The following PPP6R3 variants were observed in gnomAD, a reference collection of about 807,000 sequenced individuals.
PPP6R3 encodes protein phosphatase 6 regulatory subunit 3.
PPP6R3 carries 38 observed loss-of-function variants against 110.7 expected under a neutral mutation model. That is an observed-to-expected ratio of 0.34 (90% CI 0.26 to 0.45). PPP6R3 has a LOEUF of 0.45. Among genes scored for constraint, PPP6R3 ranks in the 20% least tolerant of loss-of-function variants. PPP6R3 has a pLI of 1.00. For missense variants in PPP6R3, 870 were observed against 1,062.4 expected, an observed-to-expected ratio of 0.82 and a Z score of 2.52; for synonymous variants, 369 against 373.5, an observed-to-expected ratio of 0.99 and a Z score of 0.14.
chr11:68,551,173 C>T lies in PPP6R3; in HGVS notation c.605C>T (p.Ser202Leu), dbSNP rs201750404. 25 of 1,609,434 alleles carry T rather than the reference C, an allele frequency of 1.6e-5. No homozygotes were observed. Among genetic ancestry groups the T allele is most frequent in the South Asian group, 7.7e-5 (7 of 90,568 alleles). The change falls in exon 6 of 24, where the codon TCG becomes TTG. Residue 202 changes from serine (S) to leucine (L), a missense_variant. By Grantham distance (145) the Ser-to-Leu change is moderately radical. Transcript: ENST00000393800. ...IQRLVEIVHP[S>L]QEEDRHSNAS... Reference sequence around the variant, plus strand: ...AGGCTTGTGGAAATAGTTCATCCATCGCAAGAAGAAGATGTAAGTTCACTT... The same window carrying T: ...AGGCTTGTGGAAATAGTTCATCCATTGCAAGAAGAAGATGTAAGTTCACTT...
In PPP6R3 at chr11:68,516,471, T is replaced by G. The variant is rs569788444; in HGVS notation, c.-157-3030T>G. ...TAGATTTGGGCCCTATCCCAAGATATCTCATTATGTATATGCAGATATTTA... is the reference window on the plus strand; with the variant it reads ...TAGATTTGGGCCCTATCCCAAGATAGCTCATTATGTATATGCAGATATTTA... On this transcript the variant is annotated intron_variant, in intron 1 of 23. Transcript: ENST00000393800. Among the ~76,000 whole-genome samples the G allele has an allele frequency of 2.0e-5, 3 of 152,358 alleles. No homozygotes were observed. In the East Asian group the frequency reaches 5.8e-4, roughly 29 times the overall value.
At chr11:68,560,959 C>T (rs541131523) in intron 8 of PPP6R3, among the ~76,000 whole-genome samples, 27 of 139,718 alleles carry the variant, frequency 1.9e-4, no homozygotes, top group Middle Eastern at 4.3e-3. Context: ...TGCAGTGGTG[C>T]GATCTCGGCT....
At chr11:68,571,154 G>A (rs758469582) in intron 12 of PPP6R3, 50 bp downstream of exon 12, 3 of 1,559,456 alleles carry the variant, frequency 1.9e-6, no homozygotes, top group Non-Finnish European at 2.6e-6. Context: ...GGTAATATGA[G>A]GAAAATAATA....
chr11:68,613,829 T>G lies in PPP6R3; in HGVS notation c.*712T>G. 1 of 985,810 alleles carries G rather than the reference T, an allele frequency of 1.0e-6. No homozygotes were observed. The highest frequency in any genetic ancestry group is 1.7e-5 in the African/African-American group (1 of 57,358). 61.1% of individuals were successfully genotyped at this position (985,810 alleles called of 1,614,324 possible). On this transcript the variant is annotated 3_prime_UTR_variant, in exon 24 of 24. Coordinates refer to ENST00000393800, the MANE Select transcript of PPP6R3 (RefSeq NM_001164161.2). Reference sequence around the variant, plus strand: ...CCATATGTTCTGTTCAAGTCTTGTTTGCTTGAAATGATTATTCCTACAAGT... The same window carrying G: ...CCATATGTTCTGTTCAAGTCTTGTTGGCTTGAAATGATTATTCCTACAAGT...
chr11:68,567,646 AT>A (rs954872776), intron 10 of PPP6R3, among the ~76,000 whole-genome samples: 2 of 152,180 alleles, frequency 1.3e-5, no homozygotes, highest in Non-Finnish European at 2.9e-5. Context: ...CCCAGGGATG[AT>A]TTAGGTCTCC....
chr11:68,543,363 G>A (rs2099329290), intron 3 of PPP6R3, among the ~76,000 whole-genome samples: 2 of 150,992 alleles, frequency 1.3e-5, no homozygotes, highest in Admixed American at 6.6e-5. Context: ...ATTGAGGGAG[G>A]AGACTTTACT....
chr11:68,594,265 GGAGA>G (rs56125097), intron 18 of PPP6R3, among the ~76,000 whole-genome samples: 12,910 of 136,896 alleles, frequency 0.094, 682 homozygotes, highest in Non-Finnish European at 0.11. Flanking sequence ...TAAAAAAGGG[GGAGA>G]GAGAGAGAGA....
chr11:68,478,267 C>G (rs939355773), intron 1 of PPP6R3, among the ~76,000 whole-genome samples: 1 of 152,144 alleles, frequency 6.6e-6, no homozygotes, highest in Non-Finnish European at 1.5e-5. Context: ...CTTTTAACTC[C>G]TGGGCTCAAG....
Position 68,545,449 on chromosome 11 carries a change from A to T in PPP6R3, c.414+425A>T, listed in dbSNP as rs552198210. On this transcript the variant is annotated intron_variant, in intron 4 of 23. Coordinates refer to ENST00000393800, the MANE Select transcript of PPP6R3 (RefSeq NM_001164161.2). ...ACCTTTCCCACAAATGTAATTGGTG[A>T]TTGGTTTGTACTAATGGTGATTCTG... 7.2e-5 allele frequency among the ~76,000 whole-genome samples: 11 copies of T among 152,298 alleles called. No individual in the cohort carries two copies. In the South Asian group the frequency reaches 2.1e-3, roughly 29 times the overall value.
At chr11:68,600,087 A>C (rs984192873) in intron 19 of PPP6R3, among the ~76,000 whole-genome samples, 2 of 151,898 alleles carry the variant, frequency 1.3e-5, no homozygotes, top group Admixed American at 6.6e-5. Flanking sequence ...GTGCCACTGC[A>C]CTCCAGCCTG....
rs768263774 is a variant in PPP6R3 at position 68,574,145 on chromosome 11, C to T, written c.1380C>T (p.His460=). 5 of 1,614,026 alleles carry T rather than the reference C, an allele frequency of 3.1e-6. No homozygotes were observed. ...EGGRRHGYMG[H]LTRIANCIVH... is the part of the protein sequence containing the mutation. ...GAAGACGGCATGGTTACATGGGACA[C>T]CTAACGAGGATAGCTAACTGTATCG... The change falls in exon 13 of 24, where the codon CAC becomes CAT. Residue 460 remains histidine (H), a synonymous_variant. Transcript: ENST00000393800.
At chr11:68,591,280 G>T (rs905454204) in intron 17 of PPP6R3, among the ~76,000 whole-genome samples, 5 of 152,112 alleles carry the variant, frequency 3.3e-5, no homozygotes, top group Admixed American at 3.3e-4. Flanking sequence ...ACCTGGGACC[G>T]CATCTCCAGG....
chr11:68,598,828 A>G lies in PPP6R3; in HGVS notation c.2039-1513A>G, dbSNP rs138511499. Among the ~76,000 whole-genome samples, 513 of 152,332 alleles carry G rather than the reference A, an allele frequency of 3.4e-3. 2 individuals are homozygous for G. The highest frequency in any genetic ancestry group is 0.011 in the African/African-American group (472 of 41,568). On this transcript the variant is annotated intron_variant, in intron 19 of 23. Coordinates refer to ENST00000393800, the MANE Select transcript of PPP6R3 (RefSeq NM_001164161.2). ...AGTGGGCAGGCAAAAATAACTGTCA[A>G]GTTGACTTTTTGGAGGTTTCAGGTG...
intron 11 of PPP6R3, among the ~76,000 whole-genome samples, chr11:68,570,317 G>A (rs1203320628): frequency 6.6e-6 from 1 of 152,216 alleles, no homozygotes; most frequent in Non-Finnish European, 1.5e-5. Context: ...TCTTCCTGGG[G>A]TCTCTTTTTC....
At chr11:68,535,517 G>C (rs1352398797) in intron 2 of PPP6R3, 2 of 152,128 alleles carry the variant, frequency 1.3e-5, no homozygotes, top group Non-Finnish European at 2.9e-5. Context: ...TCTTGGTCCT[G>C]TTGCTGCTAA....
At position 68,550,966 on chromosome 11, in the gene PPP6R3, TG is replaced by T. The variant is rs1250716611; in HGVS notation, c.553-150del. On this transcript the variant is annotated intron_variant, in intron 5 of 23. Transcript: ENST00000393800. ...ACAATATATTCACTGGCATTTTCCT[TG>T]GGGGACTTTTAATTTTCTGTAGTGT... is the stretch of plus-strand genomic sequence containing the variant. 9 of 572,206 alleles carry T rather than the reference TG, an allele frequency of 1.6e-5. No individual in the cohort carries two copies. In the African/African-American group the frequency reaches 1.7e-4, roughly 11 times the overall value. The allele number at this position is 572,206 out of a possible 1,614,324, so 35.4% of individuals were successfully genotyped here.
intron 14 of PPP6R3, among the ~76,000 whole-genome samples, chr11:68,582,753 A>C (rs2099564739): frequency 6.6e-6 from 1 of 152,234 alleles, no homozygotes; most frequent in South Asian, 2.1e-4. Flanking sequence ...GGTGATTATC[A>C]AAATCACTTA....
chr11:68,584,599 C>A (rs1424478370), intron 15 of PPP6R3, among the ~76,000 whole-genome samples: 1 of 152,202 alleles, frequency 6.6e-6, no homozygotes, highest in Non-Finnish European at 1.5e-5. Context: ...TAAATTTAGG[C>A]ATTTGGAAAG....
chr11:68,531,407 A>T (rs1364519610), intron 2 of PPP6R3, among the ~76,000 whole-genome samples: 2 of 151,774 alleles, frequency 1.3e-5, no homozygotes, highest in African/African-American at 4.8e-5. Flanking sequence ...GTATGATCAT[A>T]GCTCACTACA....
Sources: allele counts gnomAD v4.1 joint callset (sites outside exome capture counted in the v4.1 genomes callset), GRCh38; gene constraint gnomAD v4.1.1; transcripts MANE v1.5; gene names NCBI Gene and HGNC (gene_info 2026-07-23, HGNC 2026-07-21).